The following ITIH3 variants were observed in gnomAD, a reference collection of about 807,000 sequenced individuals.
The protein encoded by ITIH3 is inter-alpha-trypsin inhibitor heavy chain 3.
Under a neutral mutation model 96.5 loss-of-function variants are expected in ITIH3, and 81 were observed. That is an observed-to-expected ratio of 0.84 (90% CI 0.70 to 1.01). The LOEUF (loss-of-function observed/expected upper bound fraction) is 1.01, where lower values mean the gene tolerates loss of function less well. ITIH3 is among the 50% of genes least tolerant of loss of function. The pLI, the probability that ITIH3 is intolerant of heterozygous loss-of-function variation, is 0.00. For synonymous variants in ITIH3, 422 were observed against 445.2 expected (o/e 0.95, Z 0.66); for missense variants, 1,057 against 1,139.3 (o/e 0.93, Z 1.04).
Position 52,807,039 on chromosome 3 carries a change from C to T in ITIH3, c.2195C>T (p.Thr732Ile). ...FQVEVTTEKI[T>I]LWNRAVPSTF... Reference sequence around the variant, plus strand: ...GTGGAGGTGACAACGGAGAAGATCACCCTGTGGAACAGGGCCGTGCCGAGC... The same window carrying T: ...GTGGAGGTGACAACGGAGAAGATCATCCTGTGGAACAGGGCCGTGCCGAGC... The change falls in exon 19 of 22, where the codon ACC becomes ATC. Residue 732 changes from threonine (T) to isoleucine (I), a missense_variant. Thr to Ile is a moderately conservative substitution (Grantham distance 89). Coordinates refer to ENST00000449956, the MANE Select transcript of ITIH3 (RefSeq NM_002217.4). 1 of 1,601,788 alleles carries T rather than the reference C, an allele frequency of 6.2e-7. No individual in the cohort carries two copies. The highest frequency in any genetic ancestry group is 8.5e-7 in the Non-Finnish European group (1 of 1,174,310).
rs1699728252 is a variant in ITIH3, at chr3:52,799,469, C to T, written c.887C>T (p.Ala296Val). 3.1e-6 allele frequency: 5 copies of T among 1,611,440 alleles called. No homozygotes were observed. In the East Asian group the frequency reaches 1.1e-4, roughly 36 times the overall value. ...AFVIDISGSM[A>V]GRKLEQTKEA... ...GTGATTGACATCAGCGGCTCCATGG[C>T]TGGTCGGAAATTAGAGCAGGTAATC... Residue 296 changes from alanine (A) to valine (V), a missense_variant, in exon 8 of 22, where the codon GCT becomes GTT. Physicochemically the swap from Ala to Val is moderately conservative, Grantham distance 64 (BLOSUM62 0). Coordinates refer to ENST00000449956, the MANE Select transcript of ITIH3 (RefSeq NM_002217.4).
chr3:52,804,485 T>A (rs1302216660), intron 14 of ITIH3: 1 of 543,274 alleles, frequency 1.8e-6, no homozygotes, highest in Non-Finnish European at 3.4e-6. Context: ...ACAGGGTCTG[T>A]GTGTGGTGGT....
intron 1 of ITIH3, 54 bp downstream of exon 1, chr3:52,794,950 C>T: frequency 7.1e-7 from 1 of 1,416,506 alleles, no homozygotes; most frequent in Middle Eastern, 1.8e-4. Flanking sequence ...GGGCAGAAGG[C>T]ATCATGCTGG....
At chr3:52,796,920 CTAT>C (rs1344727454) in intron 4 of ITIH3, 77 bp downstream of exon 4, 2 of 1,196,490 alleles carry the variant, frequency 1.7e-6, no homozygotes, top group Non-Finnish European at 2.3e-6. Context: ...ACAACAACAG[CTAT>C]TATTATTGGT....
chr3:52,794,947 A>G, intron 1 of ITIH3, 51 bp downstream of exon 1: 1 of 1,438,538 alleles, frequency 7.0e-7, no homozygotes, highest in Non-Finnish European at 9.8e-7. Context: ...AATGGGCAGA[A>G]GGCATCATGC....
intron 5 of ITIH3, 143 bp downstream of exon 5, chr3:52,797,410 A>C: frequency 1.1e-6 from 1 of 929,632 alleles, no homozygotes; most frequent in East Asian, 2.7e-5. Flanking sequence ...GGAGGAATTC[A>C]ATGGTTCTGG....
Position 52,802,318 on chromosome 3 carries a change from C to A in ITIH3, c.1384-16C>A, listed in dbSNP as rs781582682. 2 of 1,612,826 alleles carry A rather than the reference C, an allele frequency of 1.2e-6. No individual in the cohort carries two copies. Among genetic ancestry groups the A allele is most frequent in the Non-Finnish European group, 1.7e-6 (2 of 1,179,396 alleles). ...TGACCTGGGGCTTGAGATGACTGGC[C>A]CCGTGCGAACTTCAGGGCTTCTATG... On this transcript the variant is annotated splice_polypyrimidine_tract_variant and intron_variant, in intron 11 of 21. Coordinates refer to ENST00000449956, the MANE Select transcript of ITIH3 (RefSeq NM_002217.4).
rs987647096 is a variant in ITIH3 at position 52,796,951 on chromosome 3, T to C, written c.386+108T>C. On this transcript the variant is annotated intron_variant, in intron 4 of 21. Transcript: ENST00000449956. ...TTATTGGTATAGCAAAATGTGCCCA[T>C]AATTTTGCCATTATCCCACGTTGAG... The C allele has an allele frequency of 4.2e-6, 5 of 1,185,750 alleles. No homozygotes were observed. In the African/African-American group the frequency reaches 7.7e-5, roughly 18 times the overall value. 73.5% of individuals were successfully genotyped at this position (1,185,750 alleles called of 1,614,324 possible).
At chr3:52,796,173 C>T (rs531282358) in intron 2 of ITIH3, 1 of 321,958 alleles carries the variant, frequency 3.1e-6, no homozygotes, top group South Asian at 4.9e-5. Context: ...GCTCCAGAGC[C>T]AGTGTCCCAC....
intron 6 of ITIH3, chr3:52,798,732 C>T (rs1480495318): frequency 1.5e-5 from 8 of 548,530 alleles, no homozygotes; most frequent in East Asian, 6.0e-5. Context: ...AGGGGAAAAG[C>T]GGTGCTCAGA....
At chr3:52,805,511 GATGTT>G in intron 15 of ITIH3, 1 of 1,212,724 alleles carries the variant, frequency 8.2e-7, no homozygotes, top group Non-Finnish European at 1.0e-6. Flanking sequence ...GGGTGGGGCA[GATGTT>G]TGCTGTGAGC....
chr3:52,799,547 T>A, intron 8 of ITIH3, 59 bp downstream of exon 8: 1 of 1,275,830 alleles, frequency 7.8e-7, no homozygotes, highest in East Asian at 2.4e-5. Context: ...AAGAGATTTT[T>A]TTTTTTAACT....
chr3:52,802,303 C>G (rs1372284187), intron 11 of ITIH3, 31 bp from the exon 12 acceptor site: 1 of 1,609,886 alleles, frequency 6.2e-7, no homozygotes, highest in African/African-American at 1.3e-5. Context: ...TGACCTGGGG[C>G]TTGAGATGAC....
At position 52,804,434 on chromosome 3, in the gene ITIH3, C is replaced by A. The variant is rs1699962999; in HGVS notation, c.1865-292C>A. 5.4e-5 allele frequency: 25 copies of A among 463,768 alleles called. No individual in the cohort carries two copies. In the South Asian group the frequency reaches 6.5e-4, roughly 12 times the overall value. The allele number at this position is 463,768 out of a possible 1,614,324, so 28.7% of individuals were successfully genotyped here. A position where few individuals can be genotyped will look rare whatever the true frequency, so the allele number is the denominator to read the frequency against. ...CCCCCTCAACCAGACCCCAGATTGCCCTACTCAACAGGGGGTCCCAAATGC... is the reference window on the plus strand; with the variant it reads ...CCCCCTCAACCAGACCCCAGATTGCACTACTCAACAGGGGGTCCCAAATGC... On this transcript the variant is annotated intron_variant, in intron 14 of 21. Transcript: ENST00000449956.
At chr3:52,796,971 G>C in intron 4 of ITIH3, 128 bp downstream of exon 4, 1 of 1,255,374 alleles carries the variant, frequency 8.0e-7, no homozygotes, top group Non-Finnish European at 1.1e-6. Context: ...ATTATCCCAC[G>C]TTGAGGCTGA....
At chr3:52,795,461 C>T (rs1208782619) in intron 1 of ITIH3, 142 bp from the exon 2 acceptor site, 2 of 795,228 alleles carry the variant, frequency 2.5e-6, no homozygotes, top group Non-Finnish European at 4.1e-6. Flanking sequence ...TCTGGAGGGT[C>T]CTATGTCTGG....
At chr3:52,797,990 A>G (rs1699662402) in intron 6 of ITIH3, 60 bp downstream of exon 6, 1 of 1,041,624 alleles carries the variant, frequency 9.6e-7, no homozygotes, top group African/African-American at 1.6e-5. Flanking sequence ...ACTCCAGCAG[A>G]ACAAGCCTGC....
rs774453890 is a variant in ITIH3 at position 52,808,237 on chromosome 3, C to A, written c.2543+16C>A. ...TTGTCACCAGGTGAGGAGACTTCTCCCACACCCTCACCTGCTCAGCAACGA... is the reference window on the plus strand; with the variant it reads ...TTGTCACCAGGTGAGGAGACTTCTCACACACCCTCACCTGCTCAGCAACGA... On this transcript the variant is annotated intron_variant, in intron 21 of 21. Coordinates refer to ENST00000449956, the MANE Select transcript of ITIH3 (RefSeq NM_002217.4). 8.2e-6 allele frequency: 13 copies of A among 1,586,870 alleles called. No homozygotes were observed. In the East Asian group the frequency reaches 2.9e-4, roughly 35 times the overall value.
chr3:52,802,366 G>T lies in ITIH3; in HGVS notation c.1416G>T (p.Leu472=). 6.2e-7 allele frequency: 1 copy of T among 1,613,992 alleles called. No individual in the cohort carries two copies. Among genetic ancestry groups the T allele is most frequent in the South Asian group, 1.1e-5 (1 of 91,082 alleles). ...ATGAGGAGGTGGCCAACCCACTGCT[G>T]ACGGGTGTGGAGATGGAGTACCCCG... The part of the protein sequence containing the change: ...GFYEEVANPL[L]TGVEMEYPEN... The change falls in exon 12 of 22, where the codon CTG becomes CTT. Residue 472 remains leucine (L), a synonymous_variant. Coordinates refer to ENST00000449956, the MANE Select transcript of ITIH3 (RefSeq NM_002217.4).
Sources: gnomAD v4.1 joint callset for allele counts on GRCh38, gnomAD v4.1.1 for gene constraint, MANE v1.5 for transcripts, NCBI Gene and HGNC (gene_info 2026-07-23, HGNC 2026-07-21) for gene names.